Variants in TENM4 observed in about 807,000 individuals in gnomAD.
TENM4 encodes teneurin-4.
In TENM4, 82 loss-of-function variants were observed where a neutral mutation model predicts 243.3. The observed-to-expected ratio is 0.34, with a 90% CI of 0.28 to 0.40. The LOEUF (loss-of-function observed/expected upper bound fraction) is 0.40, where lower values mean the gene tolerates loss of function less well. Ranked by LOEUF, TENM4 falls within the 10% of genes least tolerant of loss-of-function variation. TENM4 has a pLI of 1.00. For missense variants in TENM4, 3,138 were observed against 3,673.3 expected, an observed-to-expected ratio of 0.85 and a Z score of 3.77; for synonymous variants, 1,412 against 1,456.3, an observed-to-expected ratio of 0.97 and a Z score of 0.69.
chr11:79,004,990 G>A (rs138576021), intron 6 of TENM4, among the ~76,000 whole-genome samples: 2 of 141,228 alleles, frequency 1.4e-5, no homozygotes, highest in African/African-American at 5.1e-5. Flanking sequence ...ATACCTCTAT[G>A]TACACAAACT....
intron 4 of TENM4, among the ~76,000 whole-genome samples, chr11:79,125,192 G>T (rs1237565505): frequency 1.3e-5 from 2 of 152,034 alleles, no homozygotes; most frequent in African/African-American, 4.8e-5. Context: ...TTCATTGCTC[G>T]TGAGAAGCAA....
At chr11:79,372,715 G>A (rs1443730841) in intron 1 of TENM4, among the ~76,000 whole-genome samples, 1 of 152,168 alleles carries the variant, frequency 6.6e-6, no homozygotes, top group African/African-American at 2.4e-5. Flanking sequence ...ATCTTGTTTG[G>A]AAGGATATAT....
At chr11:78,917,475 C>A (rs1033427028) in intron 6 of TENM4, among the ~76,000 whole-genome samples, 1 of 152,262 alleles carries the variant, frequency 6.6e-6, no homozygotes, top group Non-Finnish European at 1.5e-5. Context: ...TACGACTGAC[C>A]ACATGTGGGT....
At chr11:78,903,979 C>A (rs1348968766) in intron 6 of TENM4, 6 of 388,820 alleles carry the variant, frequency 1.5e-5, no homozygotes, top group Admixed American at 7.0e-5. Flanking sequence ...TTTTACAAAC[C>A]CTCCAAGTGA....
chr11:79,310,951 A>G (rs1027192162), intron 1 of TENM4, among the ~76,000 whole-genome samples: 2 of 152,212 alleles, frequency 1.3e-5, no homozygotes, highest in Non-Finnish European at 1.5e-5. Flanking sequence ...TTATTTAAAC[A>G]TTATTTACAT....
chr11:79,375,865 C>T (rs545330408), intron 1 of TENM4, among the ~76,000 whole-genome samples: 7 of 152,144 alleles, frequency 4.6e-5, no homozygotes, highest in Admixed American at 2.0e-4. Flanking sequence ...TAGAAGGGGG[C>T]GGTGTGGCTG....
intron 6 of TENM4, among the ~76,000 whole-genome samples, chr11:78,912,097 C>T (rs1262986396): frequency 6.6e-6 from 1 of 152,148 alleles, no homozygotes; most frequent in African/African-American, 2.4e-5. Context: ...CAAAGGCCCA[C>T]AGGCTGAAAG....
intron 1 of TENM4, among the ~76,000 whole-genome samples, chr11:79,351,468 G>C (rs1318179087): frequency 6.6e-6 from 1 of 152,168 alleles, no homozygotes; most frequent in Non-Finnish European, 1.5e-5. Context: ...AACTTTGGAA[G>C]GCTGAGGCGG....
intron 10 of TENM4, among the ~76,000 whole-genome samples, chr11:78,862,734 C>A (rs992028765): frequency 6.6e-6 from 1 of 152,168 alleles, no homozygotes; most frequent in Non-Finnish European, 1.5e-5. Context: ...TTCTGCTGAG[C>A]ACCATGAGCC....
intron 30 of TENM4, among the ~76,000 whole-genome samples, chr11:78,672,804 G>A (rs530550914): frequency 6.6e-6 from 1 of 152,218 alleles, no homozygotes; most frequent in African/African-American, 2.4e-5. Context: ...CGTGGCTGGT[G>A]AGTGACGGAG....
intron 4 of TENM4, among the ~76,000 whole-genome samples, chr11:79,101,275 G>A (rs1341156145): frequency 6.6e-6 from 1 of 152,240 alleles, no homozygotes. Context: ...AGAAGCTGAT[G>A]TCAGTAAATG....
At chr11:78,744,002 A>C (rs1855990493) in intron 19 of TENM4, among the ~76,000 whole-genome samples, 1 of 152,238 alleles carries the variant, frequency 6.6e-6, no homozygotes, top group Admixed American at 6.5e-5. Context: ...GTGTATTTTA[A>C]ACAGGTTTTT....
intron 18 of TENM4, among the ~76,000 whole-genome samples, chr11:78,762,081 C>T (rs184023847): frequency 7.3e-4 from 111 of 152,234 alleles, no homozygotes; most frequent in Admixed American, 2.2e-3. Flanking sequence ...CTCTGTATGA[C>T]CTAGTTGGCC....
At chr11:79,185,375 G>A (rs1863363175) in intron 3 of TENM4, among the ~76,000 whole-genome samples, 1 of 152,066 alleles carries the variant, frequency 6.6e-6, no homozygotes, top group African/African-American at 2.4e-5. Flanking sequence ...ACCCACAAAT[G>A]TTTAAAATGC....
chr11:79,258,698 T>C (rs1186414422), intron 2 of TENM4, among the ~76,000 whole-genome samples: 4 of 152,222 alleles, frequency 2.6e-5, no homozygotes, highest in Admixed American at 1.3e-4. Flanking sequence ...ATAATCCTTG[T>C]CTGCTAACAG....
intron 2 of TENM4, among the ~76,000 whole-genome samples, chr11:79,252,109 CT>C: frequency 6.6e-6 from 1 of 152,164 alleles, no homozygotes; most frequent in Non-Finnish European, 1.5e-5. Context: ...TGTTGGTTTT[CT>C]TTTGCTTTCT....
chr11:79,196,327 G>A (rs1043755237), intron 3 of TENM4, among the ~76,000 whole-genome samples: 1 of 151,800 alleles, frequency 6.6e-6, no homozygotes, highest in Non-Finnish European at 1.5e-5. Flanking sequence ...CACTGGAGAA[G>A]TCACCGTGTG....
chr11:79,371,765 C>G (rs1378127560), intron 1 of TENM4, among the ~76,000 whole-genome samples: 1 of 152,174 alleles, frequency 6.6e-6, no homozygotes, highest in Non-Finnish European at 1.5e-5. Flanking sequence ...CTAGTGAAGT[C>G]AAGAAACCCC....
intron 3 of TENM4, among the ~76,000 whole-genome samples, chr11:79,200,385 T>C (rs1401414391): frequency 1.3e-5 from 2 of 152,218 alleles, no homozygotes; most frequent in African/African-American, 2.4e-5. Flanking sequence ...AAAAGTCCAC[T>C]TCACCTTACT....
Sources: gnomAD v4.1 joint callset for allele counts (sites outside exome capture counted in the v4.1 genomes callset) on GRCh38, gnomAD v4.1.1 for gene constraint, MANE v1.5 for transcripts, NCBI Gene and HGNC (gene_info 2026-07-23, HGNC 2026-07-21) for gene names.